Variants in RTL4 observed in about 807,000 individuals in gnomAD.
RTL4 encodes the protein retrotransposon Gag-like protein 4.
RTL4 carries 4 observed loss-of-function variants against 5.3 expected under a neutral mutation model. That is an observed-to-expected ratio of 0.75 (90% CI 0.37 to 1.72). RTL4 has a LOEUF of 1.72. Among genes scored for constraint, RTL4 ranks in the 40% most tolerant of loss-of-function variants. The pLI is 0.04. For missense variants in RTL4, 260 were observed against 227.1 expected (o/e 1.14, Z -0.93); for synonymous variants, 98 against 87.3 (o/e 1.12, Z -0.68).
the RTL4 span, among the ~76,000 whole-genome samples, chrX:112,238,926 A>T: frequency 8.9e-6 from 1 of 112,000 alleles, no homozygotes; most frequent in East Asian, 2.8e-4. Context: ...GCACTGAAGC[A>T]GTGGAAAGAA....
chrX:112,164,272 C>G, the RTL4 span, among the ~76,000 whole-genome samples: 1 of 111,382 alleles, frequency 9.0e-6, no homozygotes, highest in East Asian at 2.8e-4. Context: ...CCACAGGTAT[C>G]CCAGCCCCTG....
chrX:112,341,171 A>G, the RTL4 span, among the ~76,000 whole-genome samples: 1 of 111,389 alleles, frequency 9.0e-6, no homozygotes, highest in African/African-American at 3.3e-5. Context: ...GGCAAAAAAA[A>G]AAAAAATGCA....
the RTL4 span, among the ~76,000 whole-genome samples, chrX:112,297,613 G>A: frequency 1.8e-5 from 2 of 111,367 alleles, no homozygotes; most frequent in East Asian, 5.7e-4. Context: ...TCACAATTCA[G>A]CATGAGATTT....
the RTL4 span, among the ~76,000 whole-genome samples, chrX:112,109,299 C>A: frequency 6.3e-5 from 7 of 111,691 alleles, no homozygotes; most frequent in Non-Finnish European, 1.3e-4. Flanking sequence ...AGCCGCAGAC[C>A]TTTGTGGTGA....
chrX:112,153,309 C>A, the RTL4 span, among the ~76,000 whole-genome samples: 4 of 111,735 alleles, frequency 3.6e-5, no homozygotes, highest in South Asian at 1.5e-3. Flanking sequence ...TTCTGCTTTC[C>A]ATGTAATTGT....
the RTL4 span, chrX:112,320,402 G>C: frequency 9.1e-6 from 1 of 110,437 alleles, no homozygotes; most frequent in Non-Finnish European, 1.9e-5. Context: ...ACTTCCACTT[G>C]TTTCTCGGTG....
chrX:112,152,417 A>T, the RTL4 span, among the ~76,000 whole-genome samples: 1 of 111,823 alleles, frequency 8.9e-6, no homozygotes, highest in East Asian at 2.8e-4. Context: ...TCCTCACTAG[A>T]CTGTAACCTC....
the RTL4 span, among the ~76,000 whole-genome samples, chrX:112,194,484 C>T: frequency 8.9e-6 from 1 of 111,815 alleles, no homozygotes; most frequent in Admixed American, 9.5e-5. Flanking sequence ...CATAACTCAA[C>T]TATGCTGGCA....
chrX:112,261,531 CA>C, the RTL4 span, among the ~76,000 whole-genome samples: 1 of 111,191 alleles, frequency 9.0e-6, no homozygotes, highest in Admixed American at 9.5e-5. Flanking sequence ...CACTGCTCAA[CA>C]AAATAAAAGA....
At chrX:112,137,273 A>C in the RTL4 span, among the ~76,000 whole-genome samples, 3 of 112,347 alleles carry the variant, frequency 2.7e-5, no homozygotes, top group African/African-American at 9.7e-5. Flanking sequence ...CTGATCATCA[A>C]GGAAATTCAA....
the RTL4 span, among the ~76,000 whole-genome samples, chrX:112,107,075 CA>C: frequency 8.1e-3 from 902 of 110,978 alleles, 8 homozygotes; most frequent in African/African-American, 0.028. Flanking sequence ...GAGTTCTTAT[CA>C]AAAAAATTAC....
At chrX:112,302,406 A>G in the RTL4 span, among the ~76,000 whole-genome samples, 1 of 111,699 alleles carries the variant, frequency 9.0e-6, no homozygotes, top group Non-Finnish European at 1.9e-5. Context: ...AAAATGGGGA[A>G]CTATCTACAA....
the RTL4 span, among the ~76,000 whole-genome samples, chrX:112,406,527 C>T: frequency 5.4e-5 from 6 of 111,256 alleles, no homozygotes; most frequent in African/African-American, 2.0e-4. Flanking sequence ...TGAGAAACCA[C>T]CCCTATAATC....
chrX:112,265,503 G>T, the RTL4 span, among the ~76,000 whole-genome samples: 1 of 112,078 alleles, frequency 8.9e-6, no homozygotes, highest in South Asian at 3.7e-4. Flanking sequence ...TGTCCTTTGA[G>T]ATCTTCAGGG....
chrX:112,390,106 A>ATAATATAT, the RTL4 span, among the ~76,000 whole-genome samples: 1 of 17,387 alleles, frequency 5.8e-5, no homozygotes, highest in African/African-American at 2.2e-4. Flanking sequence ...ATTTATATAT[A>ATAATATAT]ATATATATAT....
At chrX:112,384,504 A>G in the RTL4 span, among the ~76,000 whole-genome samples, 1 of 111,863 alleles carries the variant, frequency 8.9e-6, no homozygotes, top group Non-Finnish European at 1.9e-5. Context: ...GTTTTGTCAA[A>G]GATCAGATGG....
the RTL4 span, among the ~76,000 whole-genome samples, chrX:112,409,565 C>G: frequency 9.2e-6 from 1 of 108,265 alleles, no homozygotes; most frequent in African/African-American, 3.4e-5. Flanking sequence ...ACTAAAAATA[C>G]AAAAAATTAC....
At chrX:112,208,730 T>C in the RTL4 span, among the ~76,000 whole-genome samples, 1 of 112,288 alleles carries the variant, frequency 8.9e-6, no homozygotes, top group African/African-American at 3.2e-5. Context: ...CTATAATTAC[T>C]CTAGCCTGTT....
the RTL4 span, among the ~76,000 whole-genome samples, chrX:112,391,524 G>A: frequency 9.1e-6 from 1 of 109,995 alleles, no homozygotes; most frequent in Non-Finnish European, 1.9e-5. Context: ...AAGGCTTTGC[G>A]TAGGATCTTT....
Sources: allele counts gnomAD v4.1 joint callset (sites outside exome capture counted in the v4.1 genomes callset), GRCh38; gene constraint gnomAD v4.1.1; transcripts MANE v1.5; gene names NCBI Gene and HGNC (gene_info 2026-07-23, HGNC 2026-07-21).